The following PARP6 variants were observed in gnomAD, a reference collection of about 807,000 sequenced individuals.
The protein encoded by PARP6 is protein mono-ADP-ribosyltransferase PARP6.
Under a neutral mutation model 92.0 loss-of-function variants are expected in PARP6, and 27 were observed. The ratio of observed to expected loss-of-function variants is 0.29; its 90% CI spans 0.22 to 0.40. The LOEUF (loss-of-function observed/expected upper bound fraction) is 0.40, where lower values mean the gene tolerates loss of function less well. Among genes scored for constraint, PARP6 ranks in the 10% least tolerant of loss-of-function variants. PARP6 has a pLI of 1.00. For synonymous variants in PARP6, 272 were observed against 281.2 expected, an observed-to-expected ratio of 0.97 and a Z score of 0.33; for missense variants, 501 against 784.5, an observed-to-expected ratio of 0.64 and a Z score of 4.32.
In PARP6 at chr15:72,265,971, C is replaced by G. The variant is rs540241826; in HGVS notation, c.102G>C (p.Leu34=). Residue 34 remains leucine (L), a synonymous_variant, in exon 5 of 24, where the codon CTG becomes CTC. Transcript: ENST00000569795. ...CTGCATCAAGCTGTGGGTGTCGATA[C>G]AGGTCAGCTGCACAGCTCCCCTGAG... ...YGVQGSCAAD[L]YRHPQLDADI... is the part of the protein sequence containing the mutation. 6.2e-7 allele frequency: 1 copy of G among 1,613,792 alleles called. No individual in the cohort carries two copies. Among genetic ancestry groups the G allele is most frequent in the South Asian group, 1.1e-5 (1 of 91,072 alleles).
In PARP6 at chr15:72,241,223, C is replaced by G. The variant is rs2083011551; in HGVS notation, c.*232G>C. 3 of 652,624 alleles carry G rather than the reference C, an allele frequency of 4.6e-6. No homozygotes were observed. The highest frequency in any genetic ancestry group is 4.5e-5 in the South Asian group (3 of 66,282). 40.4% of individuals were successfully genotyped at this position (652,624 alleles called of 1,614,324 possible). ...TCCATTTTATTGTTTTATTTACAAA[C>G]AGGGTGAAGTCAAAGGGAAAGTCAG... On this transcript the variant is annotated 3_prime_UTR_variant, in exon 24 of 24. Transcript: ENST00000569795. This position sits in a 1 kb window ranked among gnomAD's most constrained non-coding sequence, Gnocchi z 4.1.
intron 2 of PARP6, among the ~76,000 whole-genome samples, chr15:72,269,698 G>A (rs986534773): frequency 6.6e-6 from 1 of 151,722 alleles, no homozygotes; most frequent in South Asian, 2.1e-4. Flanking sequence ...TCAGGAGTTC[G>A]AGACCAGCAT....
At position 72,254,502 on chromosome 15, in the gene PARP6, G is replaced by T; in HGVS notation, c.1144C>A (p.Leu382Ile). 6.2e-7 allele frequency: 1 copy of T among 1,613,252 alleles called. No homozygotes were observed. Among genetic ancestry groups the T allele is most frequent in the Non-Finnish European group, 8.5e-7 (1 of 1,179,228 alleles). ...ATCACACTATCCAGAGCTTTCTGAA[G>T]CCGCTCATAATTCTTCTTCTGTGGA... Reference protein sequence around the residue: ...FNPKKKNYERLQKALDSVMSI... With the variant: ...FNPKKKNYERIQKALDSVMSI... Residue 382 changes from leucine (L) to isoleucine (I), a missense_variant, in exon 15 of 24, where the codon CTT (leucine) becomes ATT (isoleucine). By Grantham distance (5) the Leu-to-Ile change is conservative (BLOSUM62 2). Transcript: ENST00000569795.
At chr15:72,247,548 G>A (rs1181254042) in intron 20 of PARP6, among the ~76,000 whole-genome samples, 2 of 152,142 alleles carry the variant, frequency 1.3e-5, no homozygotes, top group Admixed American at 6.6e-5. Context: ...TTCTCTGGAA[G>A]ACTTTAGATA....
Position 72,255,718 on chromosome 15 carries a change from A to G in PARP6, c.1125+747T>C, listed in dbSNP as rs562166997. On this transcript the variant is annotated intron_variant, in intron 14 of 23. Coordinates refer to ENST00000569795, the MANE Select transcript of PARP6 (RefSeq NM_001323532.2). ...CCTCTTTCTCCTTCTCTCTCCATAT[A>G]TATCTCCTATTGGCTCTGTTTCTCT... 7.7e-4 allele frequency among the ~76,000 whole-genome samples: 113 copies of G among 147,640 alleles called. 2 individuals carry two copies. The South Asian group carries it at 0.023, about 30-fold the overall frequency.
intron 20 of PARP6, among the ~76,000 whole-genome samples, chr15:72,247,134 C>T (rs909621781): frequency 4.6e-5 from 7 of 152,176 alleles, no homozygotes; most frequent in African/African-American, 1.4e-4. Context: ...TAGCCTGTCT[C>T]TTCACTTTCT....
chr15:72,265,351 C>T (rs1331839842), intron 6 of PARP6, 62 bp downstream of exon 6: 2 of 1,406,834 alleles, frequency 1.4e-6, no homozygotes, highest in Admixed American at 3.3e-5. Flanking sequence ...GACTCCTGGC[C>T]TACATGACAA....
In PARP6 at chr15:72,241,489, A is replaced by G; in HGVS notation, c.1859T>C (p.Met620Thr). The change falls in exon 24 of 24, where the codon ATG becomes ACG. Residue 620 changes from methionine to threonine, a missense_variant. Transcript: ENST00000569795. The surrounding 1 kb of genome is among the most constrained non-coding windows in gnomAD (Gnocchi z 4.1). ...TQDPKIQKEI[M>T]RVIGTQVYTN ...GTAAACCTGAGTTCCGATCACACGC[A>G]TGATTTCCTTCTGTATCTTGGGGTC... The G allele has an allele frequency of 6.2e-7, 1 of 1,614,154 alleles. No homozygotes were observed. Among genetic ancestry groups the G allele is most frequent in the South Asian group, 1.1e-5 (1 of 91,074 alleles).
chr15:72,246,105 G>A (rs2083569514), intron 20 of PARP6, among the ~76,000 whole-genome samples: 1 of 152,200 alleles, frequency 6.6e-6, no homozygotes, highest in Non-Finnish European at 1.5e-5. Context: ...TTGGTCACTT[G>A]CCCTGTGTGG....
chr15:72,265,736 T>C (rs1170929447), intron 5 of PARP6, among the ~76,000 whole-genome samples, 161 bp downstream of exon 5: 3 of 152,248 alleles, frequency 2.0e-5, no homozygotes, highest in Non-Finnish European at 4.4e-5. Context: ...AAAAGTGGCC[T>C]TACTCTCTAC....
intron 1 of PARP6, among the ~76,000 whole-genome samples, chr15:72,272,110 G>A (rs1025951676): frequency 6.6e-6 from 1 of 152,196 alleles, no homozygotes; most frequent in Non-Finnish European, 1.5e-5. Context: ...GGCGACTCCC[G>A]CAGGTTAGCG....
At chr15:72,257,870 A>C (rs1335918654) in intron 12 of PARP6, among the ~76,000 whole-genome samples, 167 bp downstream of exon 12, 1 of 152,206 alleles carries the variant, frequency 6.6e-6, no homozygotes, top group Non-Finnish European at 1.5e-5. Context: ...TCATCTCTCT[A>C]AACAGTACTG....
In PARP6 at chr15:72,242,602, T is replaced by C. The variant is rs2083181937; in HGVS notation, c.1641+18A>G. 6.5e-7 allele frequency: 1 copy of C among 1,541,798 alleles called. No homozygotes were observed. Among genetic ancestry groups the C allele is most frequent in the Non-Finnish European group, 9.0e-7 (1 of 1,114,086 alleles). On this transcript the variant is annotated intron_variant, in intron 21 of 23. Coordinates refer to ENST00000569795, the MANE Select transcript of PARP6 (RefSeq NM_001323532.2). This position sits in a 1 kb window ranked among gnomAD's most constrained non-coding sequence, Gnocchi z 4.3. The stretch of plus-strand genomic sequence containing the variant: ...AGCCCCAGGGAAAGGTCCTGCCTCA[T>C]TAGAATAGTTCCAATACCTGGGGGA...
chr15:72,271,970 G>A (rs1264946911), intron 1 of PARP6, among the ~76,000 whole-genome samples: 1 of 152,202 alleles, frequency 6.6e-6, no homozygotes, highest in Non-Finnish European at 1.5e-5. Context: ...CAGCTTCAGA[G>A]CTCAATGTTT....
intron 13 of PARP6, 111 bp from the exon 14 acceptor site, chr15:72,256,701 A>T: frequency 1.1e-6 from 1 of 889,826 alleles, no homozygotes; most frequent in Non-Finnish European, 1.5e-6. Flanking sequence ...AATATGTTTA[A>T]GGCTTTCAAA....
Position 72,242,167 on chromosome 15 carries a change from T to A in PARP6, c.1695A>T (p.Ala565=). Residue 565 remains alanine (A), a synonymous_variant, in exon 22 of 24, where the codon GCA becomes GCT. Transcript: ENST00000569795. This position sits in a 1 kb window ranked among gnomAD's most constrained non-coding sequence, Gnocchi z 4.3. The part of the protein sequence containing the change: ...FLQSRNLNCI[A]LCEVITSKDL... ...GGGCAAGCTACCTACCTTCACAAAG[T>A]GCTATACAGTTTAGATTCCGACTCT... 6.2e-7 allele frequency: 1 copy of A among 1,613,810 alleles called. No homozygotes were observed. Among genetic ancestry groups the A allele is most frequent in the South Asian group, 1.1e-5 (1 of 91,070 alleles).
intron 8 of PARP6, 138 bp downstream of exon 8, chr15:72,264,417 A>G (rs1280475680): frequency 1.5e-5 from 10 of 665,820 alleles, no homozygotes; most frequent in Non-Finnish European, 2.4e-5. Context: ...AATTTATTTT[A>G]GCTTTTCCTG....
rs2083062901 is a variant in PARP6 at position 72,241,581 on chromosome 15, A to G, written c.1791-24T>C. 1 of 1,525,354 alleles carries G rather than the reference A, an allele frequency of 6.6e-7. No individual in the cohort carries two copies. The highest frequency in any genetic ancestry group is 9.1e-7 in the Non-Finnish European group (1 of 1,098,926). The allele number at this position is 1,525,354 out of a possible 1,614,324, so 94.5% of individuals were successfully genotyped here. A position where few individuals can be genotyped will look rare whatever the true frequency, so the allele number is the denominator to read the frequency against. ...ATCTGCCAAAGATAGGGCAAGTGTGAGCATAAGAGGGAGAACAATACCAGA... is the reference window on the plus strand; with the variant it reads ...ATCTGCCAAAGATAGGGCAAGTGTGGGCATAAGAGGGAGAACAATACCAGA... On this transcript the variant is annotated intron_variant, in intron 23 of 23. Transcript: ENST00000569795. The surrounding 1 kb of genome is among the most constrained non-coding windows in gnomAD (Gnocchi z 4.1).
chr15:72,256,281 A>G (rs1425504377), intron 14 of PARP6, among the ~76,000 whole-genome samples, 184 bp downstream of exon 14: 2 of 152,166 alleles, frequency 1.3e-5, no homozygotes, highest in Non-Finnish European at 1.5e-5. Context: ...AATGTAACTA[A>G]TATTAATTCT....
Sources: allele counts gnomAD v4.1 joint callset (sites outside exome capture counted in the v4.1 genomes callset), GRCh38; gene constraint gnomAD v4.1.1; non-coding constraint Gnocchi (gnomAD v3.1); transcripts MANE v1.5; gene names NCBI Gene and HGNC (gene_info 2026-07-23, HGNC 2026-07-21).